Variants in RS1 observed in about 807,000 individuals in gnomAD.
RS1 encodes retinoschisin.
RS1 carries 2 observed loss-of-function variants against 20.8 expected under a neutral mutation model. The observed-to-expected ratio is 0.10, with a 90% CI of 0.04 to 0.30. The LOEUF (loss-of-function observed/expected upper bound fraction) is 0.30, where lower values mean the gene tolerates loss of function less well. Ranked by LOEUF, RS1 falls within the 10% of genes least tolerant of loss-of-function variation. The probability of loss-of-function intolerance (pLI) is 1.00; values close to 1 mark genes in which losing one functional copy is unlikely to be tolerated. For synonymous variants in RS1, 70 were observed against 75.8 expected (o/e 0.92, Z 0.40); for missense variants, 151 against 189.8 (o/e 0.80, Z 1.20).
chrX:18,656,310 A>T (rs1029051765), intron 3 of RS1, among the ~76,000 whole-genome samples: 2 of 111,499 alleles, frequency 1.8e-5, no homozygotes, highest in Non-Finnish European at 3.8e-5. Context: ...ATTTATTTTC[A>T]ATCAGTCTCA....
chrX:18,651,242 TGTGTGTGTGTGTGTGTGTGTGTGA>T (rs1159059713), intron 3 of RS1, among the ~76,000 whole-genome samples: 3 of 96,107 alleles, frequency 3.1e-5, no homozygotes, highest in Admixed American at 1.2e-4. Context: ...TGTGTGTGTG[TGTGTGTGTGTGTGTGTGTGTGTGA>T]GAGAGAGAGA....
At position 18,647,552 on chromosome X, in the gene RS1, CA is replaced by C. The variant is rs770773891; in HGVS notation, c.185-221del. 4.6e-3 allele frequency: 1,913 copies of C among 417,119 alleles called. 6 individuals are homozygous for C. The highest frequency in any genetic ancestry group is 0.018 in the Middle Eastern group (28 of 1,520). The allele number at this position is 417,119 out of a possible 1,213,427, so 34.4% of individuals were successfully genotyped here. On this transcript the variant is annotated intron_variant, in intron 3 of 5. Coordinates refer to ENST00000379984, the MANE Select transcript of RS1 (RefSeq NM_000330.4). ...AAGTAAAGGAATTGCCATAGAGACT[CA>C]ACAGCCTTTGTAAAAGCAGAGGGAA...
chrX:18,669,138 C>G (rs1488138424), intron 1 of RS1, among the ~76,000 whole-genome samples: 1 of 110,935 alleles, frequency 9.0e-6, no homozygotes, highest in Non-Finnish European at 1.9e-5. Flanking sequence ...TCTAAAAATC[C>G]TTATTGGCAT....
At chrX:18,644,296 T>G in intron 5 of RS1, 134 bp downstream of exon 5, 1 of 596,171 alleles carries the variant, frequency 1.7e-6, no homozygotes, top group Non-Finnish European at 2.9e-6. Flanking sequence ...CAGCACATTG[T>G]GGGGGAAAGC....
At chrX:18,650,464 ACCGAGC>A (rs1220228406) in intron 3 of RS1, 1 of 1,210,047 alleles carries the variant, frequency 8.3e-7, no homozygotes, top group Non-Finnish European at 1.1e-6. Flanking sequence ...TGCGTCCCAA[ACCGAGC>A]CCTTCATCGT....
In RS1 at chrX:18,640,662, G is replaced by A. The variant is rs184482473; in HGVS notation, c.*1342C>T. The A allele has an allele frequency of 4.4e-3, 498 of 112,200 alleles. 2 individuals carry two copies. Among genetic ancestry groups the A allele is most frequent in the Middle Eastern group, 0.042 (9 of 214 alleles). 9.2% of individuals were successfully genotyped at this position (112,200 alleles called of 1,213,427 possible). ...ATGTGTTGTCCAGCACTGTATTAGC[G>A]CGAGTCTAGTCACTTGCCTTGGCAT... On this transcript the variant is annotated 3_prime_UTR_variant, in exon 6 of 6. Coordinates refer to ENST00000379984, the MANE Select transcript of RS1 (RefSeq NM_000330.4).
intron 3 of RS1, among the ~76,000 whole-genome samples, chrX:18,649,118 T>C (rs1305837964): frequency 5.4e-5 from 6 of 110,518 alleles, no homozygotes; most frequent in African/African-American, 2.0e-4. Flanking sequence ...CTACCCCTAA[T>C]TTTTTTTACC....
intron 1 of RS1, among the ~76,000 whole-genome samples, chrX:18,669,460 C>T (rs996973537): frequency 9.3e-5 from 8 of 85,755 alleles, no homozygotes; most frequent in African/African-American, 3.0e-4. Flanking sequence ...CACTGCACTC[C>T]AGCCTGGGCA....
Position 18,657,643 on chromosome X carries a change from G to T in RS1, c.75C>A (p.Thr25=). The change falls in exon 2 of 6, where the codon ACC becomes ACA. Residue 25 remains threonine, a synonymous_variant. Transcript: ENST00000379984. ...GYEATLGLSS[T]EDEGEDPWYQ... ...CAGCCTTCTTACTGTTACATACCTC[G>T]GTAGACGATAATCCCAATGTGGCTA... The T allele has an allele frequency of 8.3e-7, 1 of 1,199,914 alleles. No individual in the cohort carries two copies. Among genetic ancestry groups the T allele is most frequent in the African/African-American group, 1.7e-5 (1 of 57,432 alleles).
intron 1 of RS1, among the ~76,000 whole-genome samples, chrX:18,663,187 C>T (rs776793777): frequency 7.3e-5 from 8 of 108,869 alleles, no homozygotes; most frequent in African/African-American, 2.0e-4. Context: ...TACCGGCATG[C>T]GCCACCATGC....
chrX:18,662,863 A>G (rs1482394927), intron 1 of RS1, among the ~76,000 whole-genome samples: 2 of 109,760 alleles, frequency 1.8e-5, no homozygotes, highest in Non-Finnish European at 3.8e-5. Flanking sequence ...TCCTGACCTC[A>G]TGATCCGCCC....
chrX:18,651,160 T>C (rs1345971978), intron 3 of RS1, among the ~76,000 whole-genome samples: 1 of 72,026 alleles, frequency 1.4e-5, no homozygotes, highest in Non-Finnish European at 2.4e-5. Context: ...CTCCAGAGAA[T>C]GAGGCCAGCT....
chrX:18,664,503 C>T (rs1928371124), intron 1 of RS1, among the ~76,000 whole-genome samples: 1 of 110,849 alleles, frequency 9.0e-6, no homozygotes, highest in African/African-American at 3.3e-5. Context: ...TGGTGCACAC[C>T]TGTAGTCCCA....
chrX:18,644,943 C>T (rs1432855479), intron 4 of RS1, among the ~76,000 whole-genome samples: 1 of 112,624 alleles, frequency 8.9e-6, no homozygotes, highest in African/African-American at 3.2e-5. Flanking sequence ...CTGCAAAACA[C>T]GCAGGTGCAT....
At chrX:18,658,999 G>C (rs1872864616) in intron 1 of RS1, among the ~76,000 whole-genome samples, 1 of 111,453 alleles carries the variant, frequency 9.0e-6, no homozygotes, top group African/African-American at 3.3e-5. Context: ...TGGGAAAATT[G>C]AAAGTGTGCA....
At position 18,642,118 on chromosome X, in the gene RS1, C is replaced by T; in HGVS notation, c.561G>A (p.Gln187=). Residue 187 remains glutamine, a synonymous_variant, in exon 6 of 6, where the codon CAG becomes CAA. Coordinates refer to ENST00000379984, the MANE Select transcript of RS1 (RefSeq NM_000330.4). ...AGATGATGGGGGGCCGCAGCAGGTT[C>T]TGAACCGTGGAGGTGCGGTCCGAGT... is the stretch of plus-strand genomic sequence containing the variant. ...YGNSDRTSTV[Q]NLLRPPIISR... 2.5e-6 allele frequency: 3 copies of T among 1,211,853 alleles called. No individual in the cohort carries two copies. Among genetic ancestry groups the T allele is most frequent in the Non-Finnish European group, 3.4e-6 (3 of 895,435 alleles).
chrX:18,646,603 A>G (rs746330936), intron 4 of RS1, among the ~76,000 whole-genome samples: 1 of 112,167 alleles, frequency 8.9e-6, no homozygotes, highest in East Asian at 2.8e-4. Context: ...GACCACAGTC[A>G]TTAACGTGGC....
intron 3 of RS1, among the ~76,000 whole-genome samples, chrX:18,648,403 A>T (rs1927883171): frequency 9.1e-6 from 1 of 109,781 alleles, no homozygotes. Context: ...CACCACACCC[A>T]GCTAATTTTT....
chrX:18,643,716 C>T (rs1437603582), intron 5 of RS1, among the ~76,000 whole-genome samples: 3 of 111,707 alleles, frequency 2.7e-5, no homozygotes, highest in African/African-American at 9.8e-5. Context: ...TACATGTCTA[C>T]TTAACCTGAT....
Sources: allele counts gnomAD v4.1 joint callset (sites outside exome capture counted in the v4.1 genomes callset), GRCh38; gene constraint gnomAD v4.1.1; transcripts MANE v1.5; gene names NCBI Gene and HGNC (gene_info 2026-07-23, HGNC 2026-07-21).